The following HAPLN1 variants were observed in gnomAD, a reference collection of about 807,000 sequenced individuals.
HAPLN1 encodes the protein hyaluronan and proteoglycan link protein 1, also known as Cartilage link protein.
A neutral mutation model predicts 36.5 loss-of-function variants in HAPLN1; 13 were observed. The ratio of observed to expected loss-of-function variants is 0.36; its 90% confidence interval spans 0.23 to 0.57. The LOEUF is 0.57. Among genes scored for constraint, HAPLN1 ranks in the 20% least tolerant of loss-of-function variants. The pLI is 0.83. For synonymous variants in HAPLN1, 202 were observed against 169.8 expected (o/e 1.19, Z -1.48); for missense variants, 407 against 439.7 (o/e 0.93, Z 0.66).
intron 1 of HAPLN1, among the ~76,000 whole-genome samples, chr5:83,701,672 T>G (rs897211795): frequency 6.6e-6 from 1 of 152,226 alleles, no homozygotes; most frequent in African/African-American, 2.4e-5. Flanking sequence ...GCACGGTGAC[T>G]CACGCCAGTA....
chr5:83,710,787 C>G (rs2112638317), intron 1 of HAPLN1, among the ~76,000 whole-genome samples: 1 of 152,024 alleles, frequency 6.6e-6, no homozygotes, highest in East Asian at 1.9e-4. Flanking sequence ...CCCGTCTCTA[C>G]TAAAAATACA....
At position 83,639,602 on chromosome 5, in the gene HAPLN1, C is replaced by T. The variant is rs1158465742; in HGVS notation, c.*1894G>A. 1 of 151,946 alleles carries T rather than the reference C, an allele frequency of 6.6e-6. No individual in the cohort carries two copies. Among genetic ancestry groups the T allele is most frequent in the African/African-American group, 2.4e-5 (1 of 41,414 alleles). 9.4% of individuals were successfully genotyped at this position (151,946 alleles called of 1,614,324 possible). Reference sequence around the variant, plus strand: ...AAGTTGTTATTTGGGAGATAGTCCCCTCTTTAAATAATATATCATCTCATC... The same window carrying T: ...AAGTTGTTATTTGGGAGATAGTCCCTTCTTTAAATAATATATCATCTCATC... On this transcript the variant is annotated 3_prime_UTR_variant, in exon 5 of 5. Coordinates refer to ENST00000274341, the MANE Select transcript of HAPLN1 (RefSeq NM_001884.4).
chr5:83,669,980 A>C (rs1287978876), intron 2 of HAPLN1, among the ~76,000 whole-genome samples: 1 of 152,152 alleles, frequency 6.6e-6, no homozygotes, highest in Non-Finnish European at 1.5e-5. Flanking sequence ...TTGAACACCA[A>C]ATGCAGGAAG....
chr5:83,717,114 GCT>G (rs1157295421), intron 1 of HAPLN1, among the ~76,000 whole-genome samples: 2 of 152,084 alleles, frequency 1.3e-5, no homozygotes, highest in Non-Finnish European at 2.9e-5. Context: ...TCTCTCACTA[GCT>G]CTCTCACTAG....
chr5:83,690,903 A>G (rs184486409), intron 1 of HAPLN1, among the ~76,000 whole-genome samples: 1 of 152,138 alleles, frequency 6.6e-6, no homozygotes, highest in East Asian at 1.9e-4. Flanking sequence ...TTTTAGAGAA[A>G]CTAGAAAAAT....
chr5:83,714,625 C>A (rs779162491), intron 1 of HAPLN1, among the ~76,000 whole-genome samples: 5 of 152,110 alleles, frequency 3.3e-5, no homozygotes, highest in South Asian at 4.1e-4. Flanking sequence ...GGCTTTGACC[C>A]GTATTTTCAA....
chr5:83,689,464 AC>A (rs74380659), intron 1 of HAPLN1, among the ~76,000 whole-genome samples: 89,685 of 151,752 alleles, frequency 0.59, 28,104 homozygotes, highest in East Asian at 0.83. Flanking sequence ...CTGAACTACA[AC>A]TTTTTTTTCA....
At chr5:83,706,814 T>C (rs1296549487) in intron 1 of HAPLN1, among the ~76,000 whole-genome samples, 1 of 152,198 alleles carries the variant, frequency 6.6e-6, no homozygotes, top group African/African-American at 2.4e-5. Context: ...GATGACATGA[T>C]TCTATGTCTA....
intron 1 of HAPLN1, among the ~76,000 whole-genome samples, chr5:83,712,413 G>C (rs543234893): frequency 6.6e-6 from 1 of 151,954 alleles, no homozygotes; most frequent in African/African-American, 2.4e-5. Context: ...AAATATTTTA[G>C]CTAGAATAAA....
At chr5:83,680,569 G>A (rs868110313) in intron 1 of HAPLN1, among the ~76,000 whole-genome samples, 22 of 152,064 alleles carry the variant, frequency 1.4e-4, no homozygotes, top group African/African-American at 2.2e-4. Context: ...GTCTGTTTCC[G>A]GACCAGATAG....
chr5:83,684,651 G>C (rs1751079251), intron 1 of HAPLN1, among the ~76,000 whole-genome samples: 1 of 152,166 alleles, frequency 6.6e-6, no homozygotes, highest in Non-Finnish European at 1.5e-5. Flanking sequence ...TGACTACATG[G>C]AGCTCGTGTA....
chr5:83,715,397 G>T (rs1751895023), intron 1 of HAPLN1, among the ~76,000 whole-genome samples: 1 of 152,094 alleles, frequency 6.6e-6, no homozygotes, highest in Admixed American at 6.6e-5. Flanking sequence ...GGGTTAGAAG[G>T]CTTGGGTAAA....
At chr5:83,702,563 G>A (rs949014736) in intron 1 of HAPLN1, among the ~76,000 whole-genome samples, 9 of 152,036 alleles carry the variant, frequency 5.9e-5, no homozygotes, top group Non-Finnish European at 1.2e-4. Flanking sequence ...AGAGAAATAA[G>A]GCCATGAAGA....
At chr5:83,693,764 A>G (rs958313484) in intron 1 of HAPLN1, among the ~76,000 whole-genome samples, 1 of 151,886 alleles carries the variant, frequency 6.6e-6, no homozygotes, top group Non-Finnish European at 1.5e-5. Context: ...AAAGTGTCCA[A>G]TTATCAGGAG....
chr5:83,718,280 A>G (rs1751956573), intron 1 of HAPLN1, among the ~76,000 whole-genome samples: 1 of 152,154 alleles, frequency 6.6e-6, no homozygotes, highest in African/African-American at 2.4e-5. Context: ...TTTAGTTTCT[A>G]CCCTGAGCAC....
chr5:83,702,777 G>A (rs868291347), intron 1 of HAPLN1, among the ~76,000 whole-genome samples: 63 of 150,510 alleles, frequency 4.2e-4, no homozygotes, highest in African/African-American at 1.4e-3. Context: ...TCGCCCTGTT[G>A]CCCAGGCTGG....
intron 4 of HAPLN1, among the ~76,000 whole-genome samples, chr5:83,642,447 CCTAA>C (rs1392581185): frequency 2.0e-5 from 3 of 152,134 alleles, no homozygotes; most frequent in Admixed American, 6.5e-5. Context: ...AACCCTGACA[CCTAA>C]CTATTTCTCA....
At chr5:83,701,370 A>T (rs766613410) in intron 1 of HAPLN1, among the ~76,000 whole-genome samples, 11 of 152,244 alleles carry the variant, frequency 7.2e-5, no homozygotes, top group Non-Finnish European at 1.5e-4. Context: ...TAAGTCATCT[A>T]AAAGTGAAAT....
chr5:83,651,059 T>G (rs182527207), intron 3 of HAPLN1, among the ~76,000 whole-genome samples: 167 of 152,322 alleles, frequency 1.1e-3, no homozygotes, highest in Middle Eastern at 3.4e-3. Context: ...ACTGGTTTCT[T>G]TTTATTTAGA....
Sources: allele counts gnomAD v4.1 joint callset (sites outside exome capture counted in the v4.1 genomes callset), GRCh38; gene constraint gnomAD v4.1.1; transcripts MANE v1.5; gene names NCBI Gene and HGNC (gene_info 2026-07-23, HGNC 2026-07-21).